PTGFRN: variants seen among roughly 807,000 people sequenced by gnomAD.
The protein encoded by PTGFRN is prostaglandin F2 receptor inhibitor.
In PTGFRN, 35 loss-of-function variants were observed where a neutral mutation model predicts 83.2. The ratio of observed to expected loss-of-function variants is 0.42; its 90% CI spans 0.32 to 0.56. PTGFRN has a LOEUF of 0.56. Among genes scored for constraint, PTGFRN ranks in the 20% least tolerant of loss-of-function variants. The pLI is 0.11. For synonymous variants in PTGFRN, 519 were observed against 498.6 expected (o/e 1.04, Z -0.55); for missense variants, 1,051 against 1,179.5 (o/e 0.89, Z 1.60).
At chr1:116,917,693 A>C (rs1037389690) in intron 1 of PTGFRN, among the ~76,000 whole-genome samples, 1 of 152,176 alleles carries the variant, frequency 6.6e-6, no homozygotes, top group African/African-American at 2.4e-5. Context: ...ACAGTGGTGC[A>C]ATCACGGCTC....
intron 7 of PTGFRN, among the ~76,000 whole-genome samples, chr1:116,974,885 G>GT (rs1466518629): frequency 1.3e-5 from 2 of 152,304 alleles, no homozygotes; most frequent in Non-Finnish European, 2.9e-5. Context: ...GTGCAGGACA[G>GT]TAGGTACAGC....
chr1:116,971,959 G>C (rs1236380338), intron 6 of PTGFRN, among the ~76,000 whole-genome samples: 1 of 152,036 alleles, frequency 6.6e-6, no homozygotes, highest in East Asian at 1.9e-4. Context: ...GTGTAGTTCT[G>C]TGTATTACCA....
intron 4 of PTGFRN, among the ~76,000 whole-genome samples, chr1:116,950,756 G>A (rs981280167): frequency 6.6e-6 from 1 of 152,084 alleles, no homozygotes; most frequent in Non-Finnish European, 1.5e-5. Context: ...GGGACAATCC[G>A]ATTCCGATGG....
chr1:116,934,266 C>T (rs1398055849), intron 1 of PTGFRN, among the ~76,000 whole-genome samples: 1 of 152,132 alleles, frequency 6.6e-6, no homozygotes, highest in Non-Finnish European at 1.5e-5. Context: ...CCACCTCAGC[C>T]TCCTGAGTAG....
chr1:116,950,608 A>G (rs1348520009), intron 4 of PTGFRN, among the ~76,000 whole-genome samples: 4 of 152,100 alleles, frequency 2.6e-5, no homozygotes, highest in Non-Finnish European at 5.9e-5. Context: ...TCTGCATGGA[A>G]ATCTTCTCTT....
At position 116,941,801 on chromosome 1, in the gene PTGFRN, A is replaced by C. The variant is rs1410661544; in HGVS notation, c.136A>C (p.Ser46Arg). Residue 46 changes from serine (S) to arginine (R), a missense_variant, in exon 2 of 9, where the codon AGT (serine) becomes CGT (arginine). Ser to Arg is a moderately radical substitution (Grantham distance 110). Transcript: ENST00000393203. This position sits in a 1 kb window ranked among gnomAD's most constrained non-coding sequence, Gnocchi z 5.0. ...GTELVIPCNV[S>R]DYDGPSEQNF... ...TGAGCTGGTCATCCCCTGCAACGTC[A>C]GTGACTATGATGGCCCCAGCGAGCA... 2 of 1,614,054 alleles carry C rather than the reference A, an allele frequency of 1.2e-6. No homozygotes were observed. Among genetic ancestry groups the C allele is most frequent in the African/African-American group, 2.7e-5 (2 of 74,912 alleles).
At chr1:116,957,837 C>T (rs925221543) in intron 4 of PTGFRN, among the ~76,000 whole-genome samples, 4 of 152,144 alleles carry the variant, frequency 2.6e-5, no homozygotes, top group African/African-American at 9.7e-5. Flanking sequence ...AGCTTTTTGA[C>T]CTCCCACATG....
intron 1 of PTGFRN, among the ~76,000 whole-genome samples, chr1:116,911,369 C>T (rs949346074): frequency 1.3e-5 from 2 of 152,210 alleles, no homozygotes; most frequent in African/African-American, 4.8e-5. Context: ...TTACTCTGCA[C>T]TTATGGTCAG....
At position 116,949,284 on chromosome 1, in the gene PTGFRN, G is replaced by T. The variant is rs749317571; in HGVS notation, c.925G>T (p.Val309Phe). ...CNITTDRADD[V>F]RPEVTWSFSR... ...CATCACAACAGACCGAGCCGATGAC[G>T]TCCGGCCCGAGGTGACGTGGTCCTT... is the stretch of plus-strand genomic sequence containing the variant. The change falls in exon 4 of 9, where the codon GTC becomes TTC. Residue 309 changes from valine to phenylalanine, a missense_variant. This residue lies in a region of PTGFRN where 719 missense variants were observed against 836.6 expected (regional missense o/e 0.86). Coordinates refer to ENST00000393203, the MANE Select transcript of PTGFRN (RefSeq NM_020440.4). The T allele has an allele frequency of 1.9e-6, 3 of 1,614,262 alleles. No individual in the cohort carries two copies. The highest frequency in any genetic ancestry group is 1.1e-5 in the South Asian group (1 of 91,090).
At chr1:116,937,424 C>T (rs943850415) in intron 1 of PTGFRN, among the ~76,000 whole-genome samples, 2 of 152,198 alleles carry the variant, frequency 1.3e-5, no homozygotes, top group African/African-American at 2.4e-5. Flanking sequence ...AGGGACACTG[C>T]AGTAATGCAG....
intron 5 of PTGFRN, 69 bp from the exon 6 acceptor site, chr1:116,966,842 T>G: frequency 6.8e-7 from 1 of 1,465,804 alleles, no homozygotes; most frequent in South Asian, 1.4e-5. Flanking sequence ...TTGGTTATTT[T>G]GCTTTTAGTT....
At position 116,938,306 on chromosome 1, in the gene PTGFRN, TAAAG is replaced by T. The variant is rs1342977617; in HGVS notation, c.50-3407_50-3404del. Among the ~76,000 whole-genome samples, 4 of 152,288 alleles carry T rather than the reference TAAAG, an allele frequency of 2.6e-5. No homozygotes were observed. In the East Asian group the frequency reaches 7.7e-4, roughly 29 times the overall value. The stretch of plus-strand genomic sequence containing the variant: ...TATTAGTCCGTTTTCACGCTGCTGA[TAAAG>T]ACATACCCGAGACTGGGCAATTTAC... On this transcript the variant is annotated intron_variant, in intron 1 of 8. Coordinates refer to ENST00000393203, the MANE Select transcript of PTGFRN (RefSeq NM_020440.4).
intron 1 of PTGFRN, among the ~76,000 whole-genome samples, chr1:116,934,154 G>A (rs907868449): frequency 6.6e-6 from 1 of 150,456 alleles, no homozygotes; most frequent in Non-Finnish European, 1.5e-5. Context: ...TGATTGTTTT[G>A]TTTTTTTTTG....
chr1:116,956,975 G>C (rs568007309), intron 4 of PTGFRN, among the ~76,000 whole-genome samples: 1 of 152,188 alleles, frequency 6.6e-6, no homozygotes, highest in African/African-American at 2.4e-5. Context: ...AGGTGGAAGG[G>C]AAGGGAGAGC....
chr1:116,936,703 C>T (rs1378537638), intron 1 of PTGFRN, among the ~76,000 whole-genome samples: 1 of 152,148 alleles, frequency 6.6e-6, no homozygotes, highest in Admixed American at 6.5e-5. Context: ...GGGATAGAAG[C>T]ATCAGAGAGT....
At position 116,961,248 on chromosome 1, in the gene PTGFRN, G is replaced by A. The variant is rs1367002843; in HGVS notation, c.1219G>A (p.Asp407Asn). The A allele has an allele frequency of 3.3e-6, 5 of 1,510,134 alleles. No homozygotes were observed. The highest frequency in any genetic ancestry group is 4.6e-5 in the East Asian group (2 of 43,892). The allele number at this position is 1,510,134 out of a possible 1,614,324, so 93.5% of individuals were successfully genotyped here. Residue 407 changes from aspartate (D) to asparagine (N), a missense_variant, in exon 5 of 9, where the codon GAC (aspartate) becomes AAC (asparagine). Asp to Asn is a conservative substitution (Grantham distance 23). Around this residue, in one of 3 missense-constraint regions of PTGFRN, gnomAD observed 719 missense variants for 836.6 expected, o/e 0.86. Coordinates refer to ENST00000393203, the MANE Select transcript of PTGFRN (RefSeq NM_020440.4). The surrounding 1 kb of genome is among the most constrained non-coding windows in gnomAD (Gnocchi z 5.4). ...CCTTTCTGTCTCTCGTTCAGAACCA[G>A]ACTACCAGGTGTACCTGAATGCTTC... Reference protein sequence around the residue: ...AGVGVTWLEPDYQVYLNASKV... With the variant: ...AGVGVTWLEPNYQVYLNASKV...
At chr1:116,960,281 G>A (rs745606488) in intron 4 of PTGFRN, among the ~76,000 whole-genome samples, 13 of 152,202 alleles carry the variant, frequency 8.5e-5, no homozygotes, top group South Asian at 4.1e-4. Context: ...GGAGAACCTC[G>A]AGTAATCAGG....
intron 6 of PTGFRN, among the ~76,000 whole-genome samples, chr1:116,969,601 C>G (rs1402630839): frequency 2.6e-5 from 4 of 152,130 alleles, no homozygotes; most frequent in Admixed American, 2.6e-4. Context: ...ATCCATGTGA[C>G]TTTTAGGATC....
chr1:116,984,562 C>T (rs1355882052), intron 7 of PTGFRN, 118 bp from the exon 8 acceptor site: 25 of 925,054 alleles, frequency 2.7e-5, no homozygotes, highest in Non-Finnish European at 3.7e-5. Flanking sequence ...CCAGTGAGAC[C>T]GAAGGCATGT....
Sources: gnomAD v4.1 joint callset for allele counts (sites outside exome capture counted in the v4.1 genomes callset) on GRCh38, gnomAD v4.1.1 for gene constraint, gnomAD v4.1.1 regional missense constraint, Gnocchi (gnomAD v3.1) non-coding constraint, MANE v1.5 for transcripts, NCBI Gene and HGNC (gene_info 2026-07-23, HGNC 2026-07-21) for gene names.